The following COMMD1 variants were observed in gnomAD, a reference collection of about 807,000 sequenced individuals.
COMMD1 encodes the protein copper metabolism domain containing 1, also known as COMM domain-containing protein 1.
Under a neutral mutation model 17.2 loss-of-function variants are expected in COMMD1, and 10 were observed. The observed-to-expected ratio is 0.58, with a 90% CI of 0.36 to 0.99. The LOEUF (loss-of-function observed/expected upper bound fraction) is 0.99, where lower values mean the gene tolerates loss of function less well. Ranked by LOEUF, COMMD1 falls within the 50% of genes least tolerant of loss-of-function variation. The pLI, the probability that COMMD1 is intolerant of heterozygous loss-of-function variation, is 0.01. For missense variants in COMMD1, 270 were observed against 231.8 expected, an observed-to-expected ratio of 1.17 and a Z score of -1.07; for synonymous variants, 97 against 91.6, an observed-to-expected ratio of 1.06 and a Z score of -0.34.
upstream of COMMD1, among the ~76,000 whole-genome samples, chr2:61,903,925 CG>C (rs1669711863): frequency 1.3e-5 from 2 of 152,166 alleles, no homozygotes; most frequent in African/African-American, 4.8e-5. Context: ...ATGCAGGGTA[CG>C]TTCATAAAGG....
chr2:61,948,043 C>A (rs1041925706), intron 1 of COMMD1, among the ~76,000 whole-genome samples: 1 of 151,908 alleles, frequency 6.6e-6, no homozygotes, highest in Admixed American at 6.6e-5. Context: ...ATAAAGTATA[C>A]ATATAAAATA....
At chr2:62,003,223 G>A (rs1284681861) in intron 2 of COMMD1, among the ~76,000 whole-genome samples, 20 of 141,572 alleles carry the variant, frequency 1.4e-4, no homozygotes, top group African/African-American at 4.4e-4. Context: ...ACAGTGAGGC[G>A]CTGTCTCAAA....
At chr2:62,004,395 A>G (rs1669056559) in intron 2 of COMMD1, among the ~76,000 whole-genome samples, 2 of 152,032 alleles carry the variant, frequency 1.3e-5, no homozygotes, top group Non-Finnish European at 2.9e-5. Flanking sequence ...CCACCCTCCG[A>G]GTTCAAGTGG....
chr2:61,936,672 G>T (rs1340170827), intron 1 of COMMD1, among the ~76,000 whole-genome samples: 1 of 152,122 alleles, frequency 6.6e-6, no homozygotes, highest in Non-Finnish European at 1.5e-5. Context: ...GGGCTCAAGC[G>T]ATCCTCCTGC....
chr2:62,044,971 TCCCTGCCTGCTGCACA>T (rs1348671265), intron 2 of COMMD1, among the ~76,000 whole-genome samples: 2 of 152,240 alleles, frequency 1.3e-5, no homozygotes, highest in Admixed American at 1.3e-4. Context: ...GATGGGTTCT[TCCCTGCCTGCTGCACA>T]GACAAAAATC....
upstream of COMMD1, among the ~76,000 whole-genome samples, chr2:61,903,026 T>G (rs1669692504): frequency 6.6e-6 from 1 of 152,172 alleles, no homozygotes; most frequent in Admixed American, 6.6e-5. Context: ...GCAACTTCTG[T>G]AAGTACATGT....
intron 1 of COMMD1, among the ~76,000 whole-genome samples, chr2:61,925,193 G>A (rs139876703): frequency 3.8e-4 from 57 of 150,764 alleles, no homozygotes; most frequent in African/African-American, 1.3e-3. Context: ...GGGAGAGAGT[G>A]GGGGAGAGAG....
chr2:62,101,623 A>C (rs34084029), intron 2 of COMMD1, among the ~76,000 whole-genome samples: 38,628 of 150,324 alleles, frequency 0.26, 5,347 homozygotes, highest in African/African-American at 0.36. Flanking sequence ...CTCTCTCTAT[A>C]TATATATATA....
intron 1 of COMMD1, among the ~76,000 whole-genome samples, chr2:61,920,466 A>G (rs567493256): frequency 6.6e-6 from 1 of 150,850 alleles, no homozygotes; most frequent in South Asian, 2.1e-4. Flanking sequence ...CCACACTTAC[A>G]TTTCTGAGTT....
At chr2:62,044,594 AT>A (rs1670328607) in intron 2 of COMMD1, among the ~76,000 whole-genome samples, 1 of 152,154 alleles carries the variant, frequency 6.6e-6, no homozygotes, top group Non-Finnish European at 1.5e-5. Context: ...TAAGTAGCTT[AT>A]TTGTCTTCCT....
chr2:61,889,084 G>A lies in COMMD1; in HGVS notation n.119+242G>A, dbSNP rs558508136. On this transcript the variant is annotated intron_variant and non_coding_transcript_variant, in intron 1 of 2. Coordinates refer to the COMMD1 transcript ENST00000472729. ...TGCCCAGCTAATTTTTGTATTTTTA[G>A]TAGAGACAGGGTTTCACCATGTTGG... 7.9e-4 allele frequency among the ~76,000 whole-genome samples: 117 copies of A among 148,560 alleles called. No individual in the cohort carries two copies. The Middle Eastern group carries it at 0.011, about 14-fold the overall frequency.
rs566006886 is a variant in COMMD1 at position 62,068,513 on chromosome 2, T to C, written c.463-67318T>C. 2.0e-5 allele frequency among the ~76,000 whole-genome samples: 3 copies of C among 152,028 alleles called. No individual in the cohort carries two copies. The East Asian group carries it at 5.8e-4, about 29-fold the overall frequency. Reference sequence around the variant, plus strand: ...TAAAAACTTCTGCTGGAGTTCAAAATGACTGCTGAAAGTTACTACAAGGAT... The same window carrying C: ...TAAAAACTTCTGCTGGAGTTCAAAACGACTGCTGAAAGTTACTACAAGGAT... On this transcript the variant is annotated intron_variant, in intron 2 of 2. Coordinates refer to ENST00000311832, the MANE Select transcript of COMMD1 (RefSeq NM_152516.4).
intron 1 of COMMD1, among the ~76,000 whole-genome samples, chr2:61,975,118 C>CTTTCTTTTTTTTTT (rs375361774): frequency 1.2e-5 from 1 of 80,166 alleles, no homozygotes; most frequent in Non-Finnish European, 2.4e-5. Context: ...TCATTTCTTT[C>CTTTCTTTTTTTTTT]TTTTTTTTTT....
intron 2 of COMMD1, among the ~76,000 whole-genome samples, chr2:62,104,507 A>AAT (rs1672270515): frequency 6.6e-6 from 1 of 151,480 alleles, no homozygotes. Flanking sequence ...GGTGATGGGC[A>AAT]CCTGTAATCC....
chr2:62,051,666 CTCTT>C (rs1670539808), intron 2 of COMMD1, among the ~76,000 whole-genome samples: 1 of 152,138 alleles, frequency 6.6e-6, no homozygotes, highest in African/African-American at 2.4e-5. Flanking sequence ...TTAGGTCTGA[CTCTT>C]TCAGGAATGA....
intron 2 of COMMD1, among the ~76,000 whole-genome samples, chr2:62,090,052 G>A (rs1398378409): frequency 1.3e-5 from 2 of 151,990 alleles, no homozygotes; most frequent in Non-Finnish European, 2.9e-5. Flanking sequence ...ATAGCCAATA[G>A]TTTAAGGGGT....
At chr2:61,966,245 A>T (rs1037515046) in intron 1 of COMMD1, among the ~76,000 whole-genome samples, 1 of 152,112 alleles carries the variant, frequency 6.6e-6, no homozygotes, top group Non-Finnish European at 1.5e-5. Flanking sequence ...CTCATAGGCC[A>T]TTACAGCATT....
chr2:61,996,440 G>A (rs1341567876), intron 1 of COMMD1, among the ~76,000 whole-genome samples: 3 of 151,384 alleles, frequency 2.0e-5, no homozygotes, highest in Admixed American at 1.3e-4. Context: ...GGTGGCTGTG[G>A]CAATTTCTTA....
chr2:62,018,282 T>C (rs191315704), intron 2 of COMMD1, among the ~76,000 whole-genome samples: 77 of 152,248 alleles, frequency 5.1e-4, no homozygotes, highest in African/African-American at 1.7e-3. Flanking sequence ...AGGGAATAAG[T>C]GAGGAGCAGT....
Sources: allele counts gnomAD v4.1 joint callset (sites outside exome capture counted in the v4.1 genomes callset), GRCh38; gene constraint gnomAD v4.1.1; transcripts MANE v1.5; gene names NCBI Gene and HGNC (gene_info 2026-07-23, HGNC 2026-07-21).